Variants in OLAH observed in about 807,000 individuals in gnomAD.
The protein encoded by OLAH is S-acyl fatty acid synthase thioesterase, medium chain.
In OLAH, 33 loss-of-function variants were observed where a neutral mutation model predicts 27.8. The ratio of observed to expected loss-of-function variants is 1.19; its 90% CI spans 0.90 to 1.59. The LOEUF is 1.59. Ranked by LOEUF, OLAH falls within the 40% of genes most tolerant of loss-of-function variation. OLAH has a pLI of 0.00. For synonymous variants in OLAH, 120 were observed against 102.9 expected (o/e 1.17, Z -1.01); for missense variants, 359 against 310.8 (o/e 1.16, Z -1.17).
chr10:15,035,398 T>C (rs1475973038), intron 1 of OLAH, among the ~76,000 whole-genome samples: 1 of 152,160 alleles, frequency 6.6e-6, no homozygotes, highest in Non-Finnish European at 1.5e-5. Flanking sequence ...CTCTGGCATC[T>C]GCTTCTAGGG....
intron 1 of OLAH, among the ~76,000 whole-genome samples, chr10:15,037,386 G>T (rs1351106781): frequency 6.6e-6 from 1 of 152,034 alleles, no homozygotes; most frequent in Non-Finnish European, 1.5e-5. Flanking sequence ...TTTGAGACCA[G>T]CCTGGCCAAC....
intron 1 of OLAH, among the ~76,000 whole-genome samples, chr10:15,045,636 C>T (rs981001342): frequency 2.6e-5 from 4 of 152,116 alleles, no homozygotes; most frequent in Non-Finnish European, 5.9e-5. Context: ...CTAAAAATGC[C>T]CTCCACTGCA....
Position 15,073,091 on chromosome 10 carries a change from G to T in OLAH, c.660G>T (p.Trp220Cys), listed in dbSNP as rs755833759. 2 of 1,612,104 alleles carry T rather than the reference G, an allele frequency of 1.2e-6. No individual in the cohort carries two copies. The highest frequency in any genetic ancestry group is 8.5e-7 in the Non-Finnish European group (1 of 1,179,442). Residue 220 changes from tryptophan to cysteine, a missense_variant, in exon 8 of 8, where the codon TGG becomes TGT. Transcript: ENST00000378228. ...TACAATCTTGTTTATTTTCAGCCTG[G>T]AAAGATGTAACCAGTGGAAATGCTA... ...SEDIAKDMEA[W>C]KDVTSGNAKI...
At chr10:15,039,541 C>T (rs1843889767), upstream of OLAH, among the ~76,000 whole-genome samples, 1 of 152,186 alleles carries the variant, frequency 6.6e-6, no homozygotes, top group Non-Finnish European at 1.5e-5. Context: ...TGTGCCACTG[C>T]ACTCCAGCCT....
chr10:15,065,882 G>A (rs1844457812), intron 6 of OLAH, 129 bp downstream of exon 6: 1 of 765,242 alleles, frequency 1.3e-6, no homozygotes, highest in Non-Finnish European at 2.1e-6. Flanking sequence ...ATTTCCTTTG[G>A]GGCCACCTAT....
chr10:15,047,853 T>C (rs987617162), intron 2 of OLAH, among the ~76,000 whole-genome samples: 2 of 152,198 alleles, frequency 1.3e-5, no homozygotes, highest in African/African-American at 4.8e-5. Context: ...ATAGAAAATC[T>C]CTCATTTTAT....
intron 1 of OLAH, among the ~76,000 whole-genome samples, chr10:15,034,955 C>A (rs1299407419): frequency 6.6e-6 from 1 of 152,026 alleles, no homozygotes; most frequent in African/African-American, 2.4e-5. Context: ...GTGCGCACCA[C>A]CACGCCCCAC....
chr10:15,051,078 A>ATTTTTT (rs35201278), intron 3 of OLAH, among the ~76,000 whole-genome samples: 4 of 134,846 alleles, frequency 3.0e-5, no homozygotes, highest in Non-Finnish European at 3.1e-5. Context: ...TATTATTATT[A>ATTTTTT]TTTTTTTTTT....
intron 1 of OLAH, among the ~76,000 whole-genome samples, chr10:15,035,545 C>G (rs930915484): frequency 2.0e-5 from 3 of 152,206 alleles, no homozygotes; most frequent in African/African-American, 7.2e-5. Context: ...CATGAGAACT[C>G]ACTATCTCTG....
intron 3 of OLAH, among the ~76,000 whole-genome samples, chr10:15,051,081 T>A (rs7090459): frequency 0.11 from 9,910 of 87,956 alleles, 396 homozygotes; most frequent in Non-Finnish European, 0.15. Flanking sequence ...TATTATTATT[T>A]TTTTTTTTTT....
Position 15,065,619 on chromosome 10 carries a change from A to G in OLAH, c.438A>G (p.Glu146=). The change falls in exon 6 of 8, where the codon GAA becomes GAG. Residue 146 remains glutamate, a synonymous_variant. Coordinates refer to ENST00000378228, the MANE Select transcript of OLAH (RefSeq NM_001039702.3). ...KAWHRIPKDD[E]LSEEQISHYL... ...GGCATCGCATTCCCAAAGATGATGA[A>G]TTGTCAGAAGAACAAATAAGTCATT... The G allele has an allele frequency of 6.2e-7, 1 of 1,612,616 alleles. No homozygotes were observed. The highest frequency in any genetic ancestry group is 8.5e-7 in the Non-Finnish European group (1 of 1,179,684).
chr10:15,042,849 CTTTTTTTT>C (rs67828197), upstream of OLAH, among the ~76,000 whole-genome samples: 9 of 60,604 alleles, frequency 1.5e-4, no homozygotes, highest in Non-Finnish European at 2.1e-4. Flanking sequence ...ACCCACGTGT[CTTTTTTTT>C]TTTTTTTTTT....
At chr10:15,072,184 G>A (rs527853943) in intron 7 of OLAH, among the ~76,000 whole-genome samples, 15 of 152,150 alleles carry the variant, frequency 9.9e-5, no homozygotes, top group Admixed American at 8.5e-4. Flanking sequence ...TGCCTGCCTC[G>A]GCCTCCCAAA....
chr10:15,057,727 G>A (rs983588780), intron 3 of OLAH, among the ~76,000 whole-genome samples: 5 of 152,064 alleles, frequency 3.3e-5, no homozygotes, highest in Non-Finnish European at 5.9e-5. Flanking sequence ...TGCCTCATAT[G>A]ATACCAGAAA....
chr10:15,070,857 C>A (rs1384499580), intron 6 of OLAH, among the ~76,000 whole-genome samples: 1 of 149,402 alleles, frequency 6.7e-6, no homozygotes, highest in Non-Finnish European at 1.5e-5. Flanking sequence ...GCAATCACAG[C>A]TCACTGCAGC....
At chr10:15,067,421 G>T (rs140233050) in intron 6 of OLAH, among the ~76,000 whole-genome samples, 2 of 152,136 alleles carry the variant, frequency 1.3e-5, no homozygotes, top group African/African-American at 4.8e-5. Flanking sequence ...AGAATTAACT[G>T]CTTGGTAGAG....
Position 15,065,564 on chromosome 10 carries a change from G to A in OLAH, c.403-20G>A. The A allele has an allele frequency of 6.2e-7, 1 of 1,600,524 alleles. No individual in the cohort carries two copies. Among genetic ancestry groups the A allele is most frequent in the Non-Finnish European group, 8.5e-7 (1 of 1,174,636 alleles). ...GTGTTATATGAAATATCAGGCCTGT[G>A]TTGTTGTTCATGTTTCAAGTCAAAG... On this transcript the variant is annotated intron_variant, in intron 5 of 7. Transcript: ENST00000378228.
chr10:15,071,545 T>A, intron 6 of OLAH: 4 of 985,472 alleles, frequency 4.1e-6, no homozygotes, highest in Non-Finnish European at 4.8e-6. Flanking sequence ...TGAGTTGAAC[T>A]GTGTGCCCCA....
At chr10:15,068,500 C>A (rs1844510500) in intron 6 of OLAH, among the ~76,000 whole-genome samples, 1 of 152,152 alleles carries the variant, frequency 6.6e-6, no homozygotes, top group Non-Finnish European at 1.5e-5. Flanking sequence ...TCAAGCAATT[C>A]TCCTGCCTCA....
Sources: gnomAD v4.1 joint callset for allele counts (sites outside exome capture counted in the v4.1 genomes callset) on GRCh38, gnomAD v4.1.1 for gene constraint, MANE v1.5 for transcripts, NCBI Gene and HGNC (gene_info 2026-07-23, HGNC 2026-07-21) for gene names.